The following SEMA3A variants were observed in gnomAD, a reference collection of about 807,000 sequenced individuals.
SEMA3A encodes the protein semaphorin 3A.
A neutral mutation model predicts 97.9 loss-of-function variants in SEMA3A; 29 were observed. That is an observed-to-expected ratio of 0.30 (90% CI 0.22 to 0.40). SEMA3A has a LOEUF of 0.40. SEMA3A is among the 10% of genes least tolerant of loss of function. The probability of loss-of-function intolerance (pLI) is 1.00; values close to 1 mark genes in which losing one functional copy is unlikely to be tolerated. For missense variants in SEMA3A, 763 were observed against 951.3 expected, an observed-to-expected ratio of 0.80 and a Z score of 2.60; for synonymous variants, 321 against 323.7, an observed-to-expected ratio of 0.99 and a Z score of 0.09.
intron 3 of SEMA3A, among the ~76,000 whole-genome samples, chr7:84,117,765 C>T (rs1795478787): frequency 1.3e-5 from 2 of 152,162 alleles, no homozygotes; most frequent in South Asian, 4.1e-4. Flanking sequence ...GGAACCACTG[C>T]TTTAAAGTCA....
intron 3 of SEMA3A, among the ~76,000 whole-genome samples, chr7:84,249,828 A>T (rs2115605670): frequency 6.6e-6 from 1 of 151,892 alleles, no homozygotes; most frequent in Admixed American, 6.6e-5. Flanking sequence ...TTATACAATT[A>T]TTTCAGAAGT....
intron 4 of SEMA3A, among the ~76,000 whole-genome samples, chr7:84,099,156 C>A (rs1794872011): frequency 1.7e-5 from 1 of 58,370 alleles, no homozygotes; most frequent in South Asian, 4.3e-4. Flanking sequence ...CTGCAAGCTC[C>A]GCCTCCCGGG....
chr7:84,123,395 C>T (rs1367785527), intron 3 of SEMA3A, among the ~76,000 whole-genome samples: 2 of 149,856 alleles, frequency 1.3e-5, no homozygotes, highest in Non-Finnish European at 2.9e-5. Flanking sequence ...CAAATAACAG[C>T]TCTCAAGTAA....
At chr7:84,110,613 A>G in intron 3 of SEMA3A, 24 bp from the exon 4 acceptor site, 1 of 1,613,056 alleles carries the variant, frequency 6.2e-7, no homozygotes, top group Non-Finnish European at 8.5e-7. Context: ...GGAAAACCAA[A>G]GAGTTTCAGC....
intron 4 of SEMA3A, among the ~76,000 whole-genome samples, chr7:84,088,106 C>G (rs750354749): frequency 1.3e-5 from 2 of 152,080 alleles, no homozygotes; most frequent in Non-Finnish European, 1.5e-5. Context: ...TTAAATTTAT[C>G]TTTTCATTAT....
intron 3 of SEMA3A, among the ~76,000 whole-genome samples, chr7:84,225,886 A>G (rs1249840533): frequency 6.6e-6 from 1 of 152,152 alleles, no homozygotes; most frequent in Non-Finnish European, 1.5e-5. Context: ...ATGAAGATTA[A>G]TGGGCTAATT....
intron 6 of SEMA3A, among the ~76,000 whole-genome samples, chr7:84,035,402 CAT>C (rs778004959): frequency 7.2e-5 from 11 of 151,826 alleles, no homozygotes; most frequent in Admixed American, 1.3e-4. Context: ...TAGCAAATAA[CAT>C]GTTAAATATT....
At chr7:84,206,059 G>C (rs752337676) in intron 3 of SEMA3A, among the ~76,000 whole-genome samples, 1 of 152,032 alleles carries the variant, frequency 6.6e-6, no homozygotes, top group Non-Finnish European at 1.5e-5. Context: ...GCAGGATGTG[G>C]CACTTCAGCT....
chr7:84,148,186 A>T (rs1796521073), intron 1 of SEMA3A, among the ~76,000 whole-genome samples: 2 of 152,070 alleles, frequency 1.3e-5, no homozygotes, highest in Admixed American at 6.5e-5. Flanking sequence ...AAGTGCTGGG[A>T]TTACAGGCAT....
chr7:84,412,947 C>G (rs1414529296), intron 1 of SEMA3A, among the ~76,000 whole-genome samples: 1 of 152,094 alleles, frequency 6.6e-6, no homozygotes, highest in Non-Finnish European at 1.5e-5. Context: ...TACACACACA[C>G]TCACACACAC....
chr7:84,463,482 T>A (rs1805915287), intron 1 of SEMA3A, among the ~76,000 whole-genome samples: 1 of 151,984 alleles, frequency 6.6e-6, no homozygotes, highest in African/African-American at 2.4e-5. Flanking sequence ...TCTCCTAACC[T>A]CGTGATCCGC....
At chr7:84,092,779 T>A (rs2115859301) in intron 4 of SEMA3A, among the ~76,000 whole-genome samples, 1 of 152,298 alleles carries the variant, frequency 6.6e-6, no homozygotes, top group South Asian at 2.1e-4. Flanking sequence ...CCTTTAATTG[T>A]GGATGTGCAT....
intron 2 of SEMA3A, among the ~76,000 whole-genome samples, chr7:84,343,917 G>A (rs1357074914): frequency 6.6e-6 from 1 of 151,888 alleles, no homozygotes; most frequent in East Asian, 1.9e-4. Flanking sequence ...GAGATGCGAG[G>A]ATCACTTGAT....
At chr7:84,042,099 T>C (rs1291430887) in intron 6 of SEMA3A, among the ~76,000 whole-genome samples, 7 of 152,110 alleles carry the variant, frequency 4.6e-5, no homozygotes, top group Non-Finnish European at 1.0e-4. Flanking sequence ...TCACTGGGTC[T>C]AGTTTTCTAA....
intron 13 of SEMA3A, among the ~76,000 whole-genome samples, chr7:83,983,822 T>C (rs1210615078): frequency 2.0e-5 from 3 of 152,182 alleles, no homozygotes; most frequent in Admixed American, 1.3e-4. Context: ...GCTTTCTCAC[T>C]ATCCTCCTTA....
Position 84,119,331 on chromosome 7 carries a change from C to T in SEMA3A, c.334-8742G>A, listed in dbSNP as rs182318571. Among the ~76,000 whole-genome samples, 11 of 152,232 alleles carry T rather than the reference C, an allele frequency of 7.2e-5. No homozygotes were observed. In the East Asian group the frequency reaches 2.1e-3, roughly 29 times the overall value. ...TGAGAAGCTTCAGGAATTTTCTGCT[C>T]TTAAAGCCAAAAGTCAAGATTCTGC... On this transcript the variant is annotated intron_variant, in intron 3 of 16. Transcript: ENST00000265362.
At chr7:84,194,382 GT>G (rs1319942416) in intron 1 of SEMA3A, 92 bp downstream of exon 1, 6 of 793,584 alleles carry the variant, frequency 7.6e-6, no homozygotes, top group Non-Finnish European at 1.3e-5. Flanking sequence ...TAAACTAAAG[GT>G]TTGATGATTT....
chr7:84,102,267 C>T (rs986192561), intron 4 of SEMA3A, among the ~76,000 whole-genome samples: 2 of 152,170 alleles, frequency 1.3e-5, no homozygotes, highest in Non-Finnish European at 2.9e-5. Flanking sequence ...TTAAAGTGTG[C>T]TTTTCTACTT....
chr7:83,983,381 G>A (rs1472175019), intron 13 of SEMA3A, among the ~76,000 whole-genome samples: 1 of 145,410 alleles, frequency 6.9e-6, no homozygotes, highest in Non-Finnish European at 1.6e-5. Flanking sequence ...AGCTACTCAA[G>A]TTAGTCCTAC....
Sources: allele counts gnomAD v4.1 joint callset (sites outside exome capture counted in the v4.1 genomes callset), GRCh38; gene constraint gnomAD v4.1.1; transcripts MANE v1.5; gene names NCBI Gene and HGNC (gene_info 2026-07-23, HGNC 2026-07-21).